The following DTNBP1 variants were observed in gnomAD, a reference collection of about 807,000 sequenced individuals.
The protein encoded by DTNBP1 is dysbindin.
DTNBP1 carries 35 observed loss-of-function variants against 42.8 expected under a neutral mutation model. The observed-to-expected ratio is 0.82, with a 90% confidence interval of 0.63 to 1.09. DTNBP1 has a LOEUF of 1.09. Ranked by LOEUF, DTNBP1 falls within the 50% of genes least tolerant of loss-of-function variation. The pLI, the probability that DTNBP1 is intolerant of heterozygous loss-of-function variation, is 0.00. For missense variants in DTNBP1, 457 were observed against 424.2 expected (o/e 1.08, Z -0.68); for synonymous variants, 171 against 162.2 (o/e 1.05, Z -0.41).
rs138725782 is a variant in DTNBP1 at position 15,543,371 on chromosome 6, T to C, written c.512-9976A>G. ...TAACATGGGTACAATCCACAAAGCT[T>C]ATTCAGATTTCACCAGTCACACATG... On this transcript the variant is annotated intron_variant, in intron 7 of 9. Coordinates refer to ENST00000344537, the MANE Select transcript of DTNBP1 (RefSeq NM_032122.5). 4.7e-3 allele frequency among the ~76,000 whole-genome samples: 721 copies of C among 152,268 alleles called. 6 individuals are homozygous for C. The highest frequency in any genetic ancestry group is 0.017 in the African/African-American group (695 of 41,538).
chr6:15,624,639 T>C (rs1443987011), intron 5 of DTNBP1, among the ~76,000 whole-genome samples: 1 of 152,198 alleles, frequency 6.6e-6, no homozygotes, highest in Non-Finnish European at 1.5e-5. Context: ...TGGTGTTACA[T>C]TTGACAGTGA....
chr6:15,633,019 T>C (rs1036353066), intron 4 of DTNBP1, among the ~76,000 whole-genome samples: 2 of 152,240 alleles, frequency 1.3e-5, no homozygotes, highest in African/African-American at 2.4e-5. Context: ...GATTCTCGAA[T>C]TGCATTTCAA....
chr6:15,585,300 G>A lies in DTNBP1; in HGVS notation c.511+7759C>T, dbSNP rs569208391. ...ACTAGCAGCAAGGGATGCCGAATTA[G>A]TTTTATGGAGCTGTACCAGCCTCAT... is the stretch of plus-strand genomic sequence containing the variant. On this transcript the variant is annotated intron_variant, in intron 7 of 9. Coordinates refer to ENST00000344537, the MANE Select transcript of DTNBP1 (RefSeq NM_032122.5). 3.3e-5 allele frequency among the ~76,000 whole-genome samples: 5 copies of A among 151,434 alleles called. No homozygotes were observed. In the South Asian group the frequency reaches 1.0e-3, roughly 31 times the overall value.
At chr6:15,601,864 GAA>G (rs398000604) in intron 6 of DTNBP1, among the ~76,000 whole-genome samples, 64 of 127,742 alleles carry the variant, frequency 5.0e-4, no homozygotes, top group African/African-American at 1.1e-3. Context: ...AAAAGAAAAA[GAA>G]AAAAAAAAAA....
chr6:15,646,473 C>T (rs1392929192), intron 3 of DTNBP1, among the ~76,000 whole-genome samples: 2 of 151,576 alleles, frequency 1.3e-5, no homozygotes, highest in African/African-American at 2.4e-5. Flanking sequence ...GTGCAATTCC[C>T]ATCAAATTAC....
At chr6:15,590,916 G>A (rs1489617171) in intron 7 of DTNBP1, among the ~76,000 whole-genome samples, 1 of 152,056 alleles carries the variant, frequency 6.6e-6, no homozygotes, top group African/African-American at 2.4e-5. Context: ...TTAGAAAAGA[G>A]CTTCTAAATA....
chr6:15,636,978 C>T (rs1475006965), intron 4 of DTNBP1, among the ~76,000 whole-genome samples: 1 of 152,142 alleles, frequency 6.6e-6, no homozygotes, highest in African/African-American at 2.4e-5. Flanking sequence ...TTCTGCCTTA[C>T]TACCAGAAAC....
intron 5 of DTNBP1, among the ~76,000 whole-genome samples, chr6:15,623,386 G>A (rs1262489826): frequency 2.6e-5 from 4 of 152,116 alleles, no homozygotes; most frequent in Non-Finnish European, 4.4e-5. Flanking sequence ...TTATCTAAGA[G>A]TTAACAGCAT....
chr6:15,558,595 C>G (rs761773805), intron 7 of DTNBP1, among the ~76,000 whole-genome samples: 2 of 152,136 alleles, frequency 1.3e-5, no homozygotes, highest in Non-Finnish European at 2.9e-5. Flanking sequence ...ATGCAGGTCT[C>G]TGATAACTTT....
At chr6:15,544,130 T>C (rs914057463) in intron 7 of DTNBP1, among the ~76,000 whole-genome samples, 1 of 152,232 alleles carries the variant, frequency 6.6e-6, no homozygotes, top group Non-Finnish European at 1.5e-5. Flanking sequence ...TCCAAATCTA[T>C]AATTATGTTA....
In DTNBP1 at chr6:15,523,041, A is replaced by G. The variant is rs1288681566; in HGVS notation, c.990T>C (p.Thr330=). The G allele has an allele frequency of 1.2e-6, 2 of 1,614,070 alleles. No homozygotes were observed. The highest frequency in any genetic ancestry group is 1.3e-5 in the African/African-American group (1 of 74,908). Residue 330 remains threonine, a synonymous_variant, in exon 10 of 10, where the codon ACT becomes ACC. Transcript: ENST00000344537. The part of the protein sequence containing the change: ...QSDEEEVQVD[T]ALATSHTDRE... ...TGTCAGTGTGTGATGTGGCCAGGGC[A>G]GTGTCCACCTGAACTTCCTCCTCAT...
chr6:15,543,420 C>G (rs1395702886), intron 7 of DTNBP1, among the ~76,000 whole-genome samples: 5 of 152,186 alleles, frequency 3.3e-5, no homozygotes, highest in African/African-American at 1.2e-4. Context: ...GATGGGCATA[C>G]AGCTCCATGC....
At chr6:15,622,265 C>G (rs190888989) in intron 5 of DTNBP1, among the ~76,000 whole-genome samples, 20 of 152,094 alleles carry the variant, frequency 1.3e-4, no homozygotes, top group Admixed American at 1.0e-3. Context: ...TATATTAAAC[C>G]AGGTCACATT....
At chr6:15,545,059 T>C (rs1773792066) in intron 7 of DTNBP1, among the ~76,000 whole-genome samples, 2 of 152,328 alleles carry the variant, frequency 1.3e-5, no homozygotes, top group African/African-American at 2.4e-5. Flanking sequence ...TTTTAACAGT[T>C]ACATTTTTTC....
intron 4 of DTNBP1, among the ~76,000 whole-genome samples, chr6:15,631,120 G>C (rs1759670713): frequency 6.6e-6 from 1 of 152,152 alleles, no homozygotes; most frequent in Admixed American, 6.5e-5. Flanking sequence ...GCCCACCAAA[G>C]ACACATGAGC....
chr6:15,564,552 C>T (rs1046796010), intron 7 of DTNBP1, among the ~76,000 whole-genome samples: 3 of 151,958 alleles, frequency 2.0e-5, no homozygotes, highest in Admixed American at 1.3e-4. Flanking sequence ...GGTTTACAGG[C>T]GTGTACTACC....
chr6:15,542,137 TGA>T (rs1455287362), intron 7 of DTNBP1, among the ~76,000 whole-genome samples: 1 of 152,190 alleles, frequency 6.6e-6, no homozygotes, highest in Admixed American at 6.5e-5. Context: ...GTTTTTATAT[TGA>T]GTTAGGAAAT....
chr6:15,593,189 G>T, intron 6 of DTNBP1, 108 bp from the exon 7 acceptor site: 1 of 1,006,594 alleles, frequency 9.9e-7, no homozygotes, highest in Non-Finnish European at 1.5e-6. Context: ...TGCCCACAGT[G>T]GTATTTCTGG....
At chr6:15,524,502 C>T (rs1421928012) in intron 9 of DTNBP1, 24 bp downstream of exon 9, 4 of 1,609,068 alleles carry the variant, frequency 2.5e-6, no homozygotes, top group Admixed American at 1.7e-5. Flanking sequence ...CCTGGTTCAG[C>T]TAATGCAAGT....
Sources: gnomAD v4.1 joint callset for allele counts (sites outside exome capture counted in the v4.1 genomes callset) on GRCh38, gnomAD v4.1.1 for gene constraint, MANE v1.5 for transcripts, NCBI Gene and HGNC (gene_info 2026-07-23, HGNC 2026-07-21) for gene names.